The following SND1 variants were observed in gnomAD, a reference collection of about 807,000 sequenced individuals.
SND1 encodes the protein staphylococcal nuclease and tudor domain containing 1.
In SND1, 38 loss-of-function variants were observed where a neutral mutation model predicts 121.7. The observed-to-expected ratio is 0.31, with a 90% CI of 0.24 to 0.41. SND1 has a LOEUF of 0.41. Among genes scored for constraint, SND1 ranks in the 10% least tolerant of loss-of-function variants. The pLI is 1.00. For missense variants in SND1, 868 were observed against 1,184.6 expected, an observed-to-expected ratio of 0.73 and a Z score of 3.92; for synonymous variants, 401 against 447.4, an observed-to-expected ratio of 0.90 and a Z score of 1.31.
chr7:127,747,498 T>A (rs1797002059), intron 10 of SND1, among the ~76,000 whole-genome samples: 1 of 152,246 alleles, frequency 6.6e-6, no homozygotes, highest in South Asian at 2.1e-4. Flanking sequence ...TGGATAAGAA[T>A]GATTTTTCTA....
intron 12 of SND1, among the ~76,000 whole-genome samples, chr7:127,882,664 AC>A (rs1799815988): frequency 6.6e-6 from 1 of 151,346 alleles, no homozygotes; most frequent in South Asian, 2.1e-4. Flanking sequence ...AGATCCATGT[AC>A]TTGACTGTCT....
At chr7:127,659,296 A>G (rs1322846295) in intron 1 of SND1, among the ~76,000 whole-genome samples, 7 of 152,234 alleles carry the variant, frequency 4.6e-5, no homozygotes, top group African/African-American at 1.4e-4. Flanking sequence ...TCAATATAAT[A>G]CATTAATGAT....
intron 10 of SND1, among the ~76,000 whole-genome samples, chr7:127,805,463 G>A (rs1280252130): frequency 6.6e-6 from 1 of 152,260 alleles, no homozygotes; most frequent in Middle Eastern, 3.4e-3. Context: ...TTAACAGGAG[G>A]TAGAAAACAG....
At chr7:127,913,670 A>G (rs1800507530) in intron 14 of SND1, among the ~76,000 whole-genome samples, 1 of 152,196 alleles carries the variant, frequency 6.6e-6, no homozygotes, top group East Asian at 1.9e-4. Flanking sequence ...ACAAAATTTC[A>G]GATTCCCAGG....
At chr7:128,031,821 C>T (rs1178103471) in intron 16 of SND1, among the ~76,000 whole-genome samples, 4 of 149,448 alleles carry the variant, frequency 2.7e-5, no homozygotes, top group South Asian at 2.1e-4. Context: ...CCGCCGGCTC[C>T]GGCTTTGTGC....
chr7:127,788,012 C>CGGGT (rs936146811), intron 10 of SND1, among the ~76,000 whole-genome samples: 18 of 152,250 alleles, frequency 1.2e-4, no homozygotes, highest in African/African-American at 4.1e-4. Context: ...GTAGGCGAAA[C>CGGGT]GGGTGCTGCT....
At chr7:127,717,112 A>G (rs1450979928) in intron 9 of SND1, among the ~76,000 whole-genome samples, 1 of 152,222 alleles carries the variant, frequency 6.6e-6, no homozygotes, top group Non-Finnish European at 1.5e-5. Flanking sequence ...AAAATTAAGC[A>G]GGTAGCACAG....
intron 16 of SND1, among the ~76,000 whole-genome samples, chr7:128,053,236 A>G (rs1230324523): frequency 6.6e-6 from 1 of 152,232 alleles, no homozygotes; most frequent in Admixed American, 6.5e-5. Flanking sequence ...CAGTAAGCCA[A>G]ATAGCTGCTT....
intron 12 of SND1, among the ~76,000 whole-genome samples, chr7:127,874,465 T>C (rs1584633733): frequency 6.6e-6 from 1 of 151,830 alleles, no homozygotes; most frequent in African/African-American, 2.4e-5. Flanking sequence ...AGTGGTGGAG[T>C]AGAGAAAAGT....
At chr7:128,060,125 T>G (rs185197287) in intron 16 of SND1, among the ~76,000 whole-genome samples, 8 of 152,320 alleles carry the variant, frequency 5.3e-5, no homozygotes, top group African/African-American at 1.9e-4. Context: ...CATTATGTAC[T>G]CCTTGATAAC....
intron 16 of SND1, among the ~76,000 whole-genome samples, chr7:128,010,190 T>C (rs1284129568): frequency 1.3e-5 from 2 of 152,240 alleles, no homozygotes; most frequent in African/African-American, 4.8e-5. Flanking sequence ...CCATAGCTCT[T>C]TCAACACTTG....
intron 10 of SND1, among the ~76,000 whole-genome samples, chr7:127,736,885 A>G (rs775689827): frequency 6.6e-6 from 1 of 152,194 alleles, no homozygotes; most frequent in South Asian, 2.1e-4. Flanking sequence ...TTATGGGAAC[A>G]CAAAGGCTCC....
At chr7:127,733,688 G>T (rs923917015) in intron 10 of SND1, among the ~76,000 whole-genome samples, 10 of 152,166 alleles carry the variant, frequency 6.6e-5, no homozygotes, top group Non-Finnish European at 1.2e-4. Flanking sequence ...GTTTGCACAG[G>T]ACTGCTCTGA....
Position 127,698,867 on chromosome 7 carries a change from C to T in SND1, c.350-8C>T. On this transcript the variant is annotated splice_polypyrimidine_tract_variant and splice_region_variant and intron_variant, in intron 3 of 23. Coordinates refer to ENST00000354725, the MANE Select transcript of SND1 (RefSeq NM_014390.4). ...TCTTGTTTTTAAATCCCCCCTTTTC[C>T]TCCTCAGATACCAATGGGGAAAACA... 1 of 1,613,132 alleles carries T rather than the reference C, an allele frequency of 6.2e-7. No individual in the cohort carries two copies. Among genetic ancestry groups the T allele is most frequent in the Non-Finnish European group, 8.5e-7 (1 of 1,179,246 alleles).
intron 2 of SND1, among the ~76,000 whole-genome samples, chr7:127,688,765 AT>A (rs1173322911): frequency 6.6e-6 from 1 of 151,854 alleles, no homozygotes; most frequent in Non-Finnish European, 1.5e-5. Flanking sequence ...CTGGATTCCA[AT>A]TATTTGTTCT....
chr7:127,940,049 T>G (rs11767070), intron 15 of SND1, among the ~76,000 whole-genome samples: 2 of 152,202 alleles, frequency 1.3e-5, no homozygotes, highest in African/African-American at 4.8e-5. Context: ...TGTGAGCTTT[T>G]CCCTAGGTGT....
At chr7:127,824,946 G>C (rs1275763772) in intron 11 of SND1, among the ~76,000 whole-genome samples, 1 of 152,006 alleles carries the variant, frequency 6.6e-6, no homozygotes, top group African/African-American at 2.4e-5. Context: ...TAATAGTTTT[G>C]TTACTTGAAA....
intron 1 of SND1, among the ~76,000 whole-genome samples, chr7:127,663,991 G>A (rs1795364863): frequency 6.6e-6 from 1 of 152,214 alleles, no homozygotes; most frequent in South Asian, 2.1e-4. Context: ...ATATCTGGTC[G>A]TGGTCTTCTT....
chr7:127,932,117 CT>C (rs1800967232), intron 15 of SND1, among the ~76,000 whole-genome samples: 1 of 152,192 alleles, frequency 6.6e-6, no homozygotes, highest in Non-Finnish European at 1.5e-5. Flanking sequence ...AGTGATTCTT[CT>C]GATGGATCTG....
Sources: allele counts gnomAD v4.1 joint callset (sites outside exome capture counted in the v4.1 genomes callset), GRCh38; gene constraint gnomAD v4.1.1; transcripts MANE v1.5; gene names NCBI Gene and HGNC (gene_info 2026-07-23, HGNC 2026-07-21).